ITGA8: variants seen among roughly 807,000 people sequenced by gnomAD.
ITGA8 encodes integrin alpha-8.
Under a neutral mutation model 142.3 loss-of-function variants are expected in ITGA8, and 91 were observed. The observed-to-expected ratio is 0.64, with a 90% CI of 0.54 to 0.76. The LOEUF (loss-of-function observed/expected upper bound fraction) is 0.76. Among genes scored for constraint, ITGA8 ranks in the 30% least tolerant of loss-of-function variants. ITGA8 has a pLI of 0.00. For synonymous variants in ITGA8, 505 were observed against 485.2 expected (o/e 1.04, Z -0.54); for missense variants, 1,406 against 1,327.7 (o/e 1.06, Z -0.92).
chr10:15,604,402 C>G (rs371212355), intron 19 of ITGA8, 47 bp from the exon 20 acceptor site: 181 of 1,467,490 alleles, frequency 1.2e-4, no homozygotes, highest in Non-Finnish European at 1.6e-4. Context: ...TACTTCTTGG[C>G]TTCGTGAATA....
intron 26 of ITGA8, among the ~76,000 whole-genome samples, chr10:15,557,298 T>G (rs1833903865): frequency 6.6e-6 from 1 of 152,172 alleles, no homozygotes; most frequent in African/African-American, 2.4e-5. Context: ...GAGGATTGCT[T>G]GAACCCGAGA....
At chr10:15,555,079 G>T (rs1373742407) in intron 26 of ITGA8, among the ~76,000 whole-genome samples, 1 of 152,152 alleles carries the variant, frequency 6.6e-6, no homozygotes, top group Non-Finnish European at 1.5e-5. Flanking sequence ...GGCTGGAGCA[G>T]TTCTAGTCCC....
At chr10:15,644,948 C>A (rs1039666071) in intron 12 of ITGA8, among the ~76,000 whole-genome samples, 1 of 151,640 alleles carries the variant, frequency 6.6e-6, no homozygotes, top group Non-Finnish European at 1.5e-5. Context: ...AAAAAATTAG[C>A]CTGGCGTAGT....
chr10:15,695,759 C>T (rs970347506), intron 2 of ITGA8, among the ~76,000 whole-genome samples: 29 of 152,158 alleles, frequency 1.9e-4, no homozygotes, highest in African/African-American at 6.8e-4. Flanking sequence ...GATTTGAGAA[C>T]AGGGAAAGAA....
chr10:15,662,989 C>T (rs777315742), intron 8 of ITGA8, among the ~76,000 whole-genome samples: 3 of 152,162 alleles, frequency 2.0e-5, no homozygotes, highest in African/African-American at 4.8e-5. Flanking sequence ...TATGGATCCT[C>T]TCACAAGAAA....
At chr10:15,526,103 C>T (rs1423637185) in intron 28 of ITGA8, among the ~76,000 whole-genome samples, 1 of 152,092 alleles carries the variant, frequency 6.6e-6, no homozygotes, top group Non-Finnish European at 1.5e-5. Flanking sequence ...TGTTGGACTG[C>T]ATAGTTCTAG....
chr10:15,611,870 A>G (rs1480223855), intron 15 of ITGA8, among the ~76,000 whole-genome samples: 11 of 152,174 alleles, frequency 7.2e-5, no homozygotes, highest in Admixed American at 7.2e-4. Flanking sequence ...AAACCCTTAG[A>G]ATCAATTATC....
intron 26 of ITGA8, among the ~76,000 whole-genome samples, chr10:15,552,630 A>G (rs971121163): frequency 3.9e-5 from 6 of 152,090 alleles, no homozygotes; most frequent in Non-Finnish European, 7.4e-5. Flanking sequence ...GGTTTGCTGC[A>G]CCTATCAACC....
At chr10:15,688,061 T>G (rs759112962) in intron 2 of ITGA8, 23 bp from the exon 3 acceptor site, 5 of 1,509,766 alleles carry the variant, frequency 3.3e-6, no homozygotes, top group Non-Finnish European at 4.6e-6. Context: ...ATAGGAAGAG[T>G]TAATAATTTG....
At chr10:15,550,212 T>C (rs1017780420) in intron 26 of ITGA8, among the ~76,000 whole-genome samples, 2 of 152,192 alleles carry the variant, frequency 1.3e-5, no homozygotes, top group Non-Finnish European at 1.5e-5. Flanking sequence ...CCTTTCACCA[T>C]GATTGTGAGG....
intron 27 of ITGA8, among the ~76,000 whole-genome samples, chr10:15,545,878 CCTT>C (rs1833659288): frequency 2.0e-5 from 3 of 152,232 alleles, no homozygotes; most frequent in Admixed American, 6.5e-5. Flanking sequence ...TCACATCACT[CCTT>C]AGGTTAATTT....
intron 11 of ITGA8, among the ~76,000 whole-genome samples, chr10:15,654,116 G>A (rs1454639763): frequency 1.3e-5 from 2 of 152,158 alleles, no homozygotes; most frequent in Admixed American, 6.5e-5. Context: ...GATTACAGGC[G>A]TGAGCTACCG....
At chr10:15,655,496 TGTG>T (rs1186129458) in intron 10 of ITGA8, 90 bp from the exon 11 acceptor site, 5 of 906,598 alleles carry the variant, frequency 5.5e-6, no homozygotes, top group South Asian at 1.5e-5. Flanking sequence ...TTCATCTCAT[TGTG>T]GTACATTTTT....
chr10:15,719,838 G>GT lies in ITGA8; in HGVS notation c.-68_-67insA. 1 of 1,189,164 alleles carries GT rather than the reference G, an allele frequency of 8.4e-7. No individual in the cohort carries two copies. Among genetic ancestry groups the GT allele is most frequent in the Non-Finnish European group, 1.1e-6 (1 of 929,544 alleles). The allele number at this position is 1,189,164 out of a possible 1,614,324, so 73.7% of individuals were successfully genotyped here. A position where few individuals can be genotyped will look rare whatever the true frequency, so the allele number is the denominator to read the frequency against. On this transcript the variant is annotated 5_prime_UTR_variant, in exon 1 of 30. Coordinates refer to ENST00000378076, the MANE Select transcript of ITGA8 (RefSeq NM_003638.3). ...GCCGAGGACCCCTGCGGGGCAAGGG[G>GT]GGCTGGTGGAATCTGGCGGTCCCCA...
intron 13 of ITGA8, among the ~76,000 whole-genome samples, chr10:15,632,015 T>C (rs2131634749): frequency 6.6e-6 from 1 of 152,090 alleles, no homozygotes; most frequent in Non-Finnish European, 1.5e-5. Flanking sequence ...GCGAGGGAAA[T>C]TTGCTGTATT....
chr10:15,688,079 T>C, intron 2 of ITGA8, 41 bp from the exon 3 acceptor site: 1 of 1,295,174 alleles, frequency 7.7e-7, no homozygotes, highest in Non-Finnish European at 1.1e-6. Flanking sequence ...TTGTAAAATG[T>C]GGCAGCCAAT....
intron 28 of ITGA8, among the ~76,000 whole-genome samples, chr10:15,524,472 T>A (rs1833129743): frequency 6.6e-6 from 1 of 152,210 alleles, no homozygotes. Flanking sequence ...GACCTTGTCC[T>A]TGCCTCTGCA....
At chr10:15,587,619 T>C (rs1832855581) in intron 22 of ITGA8, among the ~76,000 whole-genome samples, 1 of 152,196 alleles carries the variant, frequency 6.6e-6, no homozygotes, top group Non-Finnish European at 1.5e-5. Flanking sequence ...ACACTTTTCA[T>C]TACCCACAAT....
intron 15 of ITGA8, 38 bp from the exon 16 acceptor site, chr10:15,608,328 T>C: frequency 7.3e-7 from 1 of 1,369,846 alleles, no homozygotes; most frequent in Non-Finnish European, 1.0e-6. Flanking sequence ...TTAATAAAGT[T>C]TTGAATCTAA....
Sources: gnomAD v4.1 joint callset for allele counts (sites outside exome capture counted in the v4.1 genomes callset) on GRCh38, gnomAD v4.1.1 for gene constraint, MANE v1.5 for transcripts, NCBI Gene and HGNC (gene_info 2026-07-23, HGNC 2026-07-21) for gene names.